Variants in HPSE2 observed in about 807,000 individuals in gnomAD.
HPSE2 encodes the protein heparanase 2 (inactive), also known as inactive heparanase-2.
Under a neutral mutation model 60.5 loss-of-function variants are expected in HPSE2, and 38 were observed. The ratio of observed to expected loss-of-function variants is 0.63; its 90% CI spans 0.48 to 0.82. The LOEUF (loss-of-function observed/expected upper bound fraction) is 0.82, where lower values mean the gene tolerates loss of function less well. Ranked by LOEUF, HPSE2 falls within the 40% of genes least tolerant of loss-of-function variation. HPSE2 has a pLI of 0.00. For missense variants in HPSE2, 713 were observed against 740.4 expected, an observed-to-expected ratio of 0.96 and a Z score of 0.43; for synonymous variants, 295 against 293.2, an observed-to-expected ratio of 1.01 and a Z score of -0.06.
intron 3 of HPSE2, among the ~76,000 whole-genome samples, chr10:98,747,154 A>G (rs1207325233): frequency 6.6e-6 from 1 of 152,134 alleles, no homozygotes; most frequent in East Asian, 1.9e-4. Flanking sequence ...CATGAAAGTT[A>G]TATTATCATA....
At chr10:98,669,039 A>G (rs2447303) in intron 6 of HPSE2, among the ~76,000 whole-genome samples, 28,301 of 152,174 alleles carry the variant, frequency 0.19, 3,120 homozygotes, top group East Asian at 0.34. Flanking sequence ...TAAATAAACA[A>G]GCAAACCCAA....
chr10:99,241,696 C>T, the HPSE2 span, among the ~76,000 whole-genome samples: 1 of 152,080 alleles, frequency 6.6e-6, no homozygotes. Flanking sequence ...GAGTTCAAGG[C>T]TACAGTGAGC....
chr10:99,249,106 A>G, the HPSE2 span, among the ~76,000 whole-genome samples: 27 of 152,348 alleles, frequency 1.8e-4, no homozygotes, highest in Non-Finnish European at 3.1e-4. Flanking sequence ...TCCCACACAC[A>G]GAGTCCCCAC....
chr10:98,710,195 T>C (rs1317170382), intron 5 of HPSE2, among the ~76,000 whole-genome samples: 1 of 152,168 alleles, frequency 6.6e-6, no homozygotes, highest in Non-Finnish European at 1.5e-5. Flanking sequence ...CGAGCTAGAC[T>C]GGGTGCTACA....
chr10:98,943,151 C>A (rs1316831000), intron 3 of HPSE2, among the ~76,000 whole-genome samples: 5 of 151,306 alleles, frequency 3.3e-5, no homozygotes, highest in Admixed American at 2.0e-4. Flanking sequence ...TTGGTGGGTG[C>A]AGCACACCAG....
chr10:99,210,453 C>T (rs1418584667), intron 2 of HPSE2, among the ~76,000 whole-genome samples: 1 of 152,112 alleles, frequency 6.6e-6, no homozygotes, highest in Non-Finnish European at 1.5e-5. Flanking sequence ...AAAAGCCAGA[C>T]GATGATACTA....
chr10:98,940,617 G>T (rs1290208092), intron 3 of HPSE2, among the ~76,000 whole-genome samples: 1 of 138,776 alleles, frequency 7.2e-6, no homozygotes, highest in Non-Finnish European at 1.5e-5. Flanking sequence ...AAAGAGTCCA[G>T]GACCAGATGG....
chr10:99,014,445 C>A (rs1419784629), intron 3 of HPSE2, among the ~76,000 whole-genome samples: 4 of 152,072 alleles, frequency 2.6e-5, no homozygotes, highest in African/African-American at 4.8e-5. Context: ...TAATAGAATG[C>A]TTTGTATTCC....
intron 4 of HPSE2, among the ~76,000 whole-genome samples, chr10:98,725,239 T>C (rs1275321267): frequency 6.6e-5 from 10 of 152,246 alleles, no homozygotes; most frequent in South Asian, 6.2e-4. Context: ...CTTCAAACTA[T>C]ACTACTAGGC....
chr10:98,780,901 T>A (rs1950450182), intron 3 of HPSE2, among the ~76,000 whole-genome samples: 1 of 152,122 alleles, frequency 6.6e-6, no homozygotes. Context: ...ATTTCCTGGA[T>A]TCCCTTGTAG....
rs1343561592 is a variant in HPSE2, at chr10:98,937,840, A to AG, written c.611-193785dup. On this transcript the variant is annotated intron_variant, in intron 3 of 11. Coordinates refer to ENST00000370552, the MANE Select transcript of HPSE2 (RefSeq NM_021828.5). ...GCAGCCTAACTGGGAGGCACCCCCC[A>AG]GTAGGGGCAGACTGACACCTCACAT... Among the ~76,000 whole-genome samples, 20 of 143,262 alleles carry AG rather than the reference A, an allele frequency of 1.4e-4. 4 individuals carry two copies. The highest frequency in any genetic ancestry group is 5.4e-4 in the African/African-American group (19 of 35,114). The allele number at this position is 143,262 out of a possible 152,430, so 94.0% of individuals were successfully genotyped here.
intron 3 of HPSE2, among the ~76,000 whole-genome samples, chr10:99,023,779 T>C (rs1218757126): frequency 6.6e-6 from 1 of 152,234 alleles, no homozygotes; most frequent in East Asian, 1.9e-4. Context: ...ACCACAGTGT[T>C]ACTGGGTTTG....
At chr10:98,792,216 T>C (rs1052149152) in intron 3 of HPSE2, among the ~76,000 whole-genome samples, 2 of 152,258 alleles carry the variant, frequency 1.3e-5, no homozygotes, top group East Asian at 1.9e-4. Context: ...GTTTTTTTTT[T>C]CAGCCAATAA....
At chr10:98,793,181 A>G (rs1287075341) in intron 3 of HPSE2, among the ~76,000 whole-genome samples, 1 of 152,214 alleles carries the variant, frequency 6.6e-6, no homozygotes, top group Non-Finnish European at 1.5e-5. Flanking sequence ...AATACAAGTT[A>G]AATTTGAAAA....
At chr10:98,949,808 A>T (rs1383807425) in intron 3 of HPSE2, among the ~76,000 whole-genome samples, 2 of 152,136 alleles carry the variant, frequency 1.3e-5, no homozygotes, top group Non-Finnish European at 2.9e-5. Flanking sequence ...CTGGAAGCAC[A>T]TGTGTTTTTT....
intron 9 of HPSE2, among the ~76,000 whole-genome samples, chr10:98,543,842 A>G (rs992817944): frequency 6.6e-6 from 1 of 152,082 alleles, no homozygotes; most frequent in African/African-American, 2.4e-5. Flanking sequence ...GTCCTGAGTG[A>G]CCTACAAAGA....
intron 3 of HPSE2, among the ~76,000 whole-genome samples, chr10:98,922,670 A>T (rs1954316642): frequency 5.9e-5 from 9 of 152,210 alleles, no homozygotes. Flanking sequence ...AGTACTCAGA[A>T]TCCATAAATA....
At chr10:98,563,213 T>C (rs1322952475) in intron 9 of HPSE2, among the ~76,000 whole-genome samples, 4 of 152,190 alleles carry the variant, frequency 2.6e-5, no homozygotes, top group Non-Finnish European at 5.9e-5. Flanking sequence ...TATATCCATG[T>C]AGTGGAACAT....
chr10:98,514,711 GTTTTT>G (rs35977879), intron 9 of HPSE2, among the ~76,000 whole-genome samples: 986 of 67,706 alleles, frequency 0.015, 12 homozygotes, highest in African/African-American at 0.041. Context: ...TATATACTTT[GTTTTT>G]TTTTTTTTTT....
Sources: allele counts gnomAD v4.1 joint callset (sites outside exome capture counted in the v4.1 genomes callset), GRCh38; gene constraint gnomAD v4.1.1; transcripts MANE v1.5; gene names NCBI Gene and HGNC (gene_info 2026-07-23, HGNC 2026-07-21).